Variants in PCDHGA6 observed in about 807,000 individuals in gnomAD.
PCDHGA6 encodes protocadherin gamma subfamily A, 6.
Under a neutral mutation model 60.6 loss-of-function variants are expected in PCDHGA6, and 41 were observed. The ratio of observed to expected loss-of-function variants is 0.68; its 90% confidence interval spans 0.53 to 0.88. The LOEUF (loss-of-function observed/expected upper bound fraction) is 0.88, where lower values mean the gene tolerates loss of function less well. Ranked by LOEUF, PCDHGA6 falls within the 40% of genes least tolerant of loss-of-function variation. The pLI, the probability that PCDHGA6 is intolerant of heterozygous loss-of-function variation, is 0.00. For missense variants in PCDHGA6, 1,312 were observed against 1,203.0 expected (o/e 1.09, Z -1.34); for synonymous variants, 594 against 524.4 (o/e 1.13, Z -1.81).
At chr5:141,413,767 C>A in intron 1 of PCDHGA6, 1 of 1,612,972 alleles carries the variant, frequency 6.2e-7, no homozygotes, top group South Asian at 1.1e-5. Flanking sequence ...GTACCCGGAG[C>A]TGGTACTGGA....
intron 1 of PCDHGA6, chr5:141,478,592 TC>T: frequency 6.4e-7 from 1 of 1,570,334 alleles, no homozygotes; most frequent in Non-Finnish European, 8.6e-7. Flanking sequence ...GCTTTTTTAT[TC>T]CTACATCATA....
At chr5:141,438,591 CATATATATATATATATATATAT>C (rs946798767) in intron 1 of PCDHGA6, among the ~76,000 whole-genome samples, 1 of 75,562 alleles carries the variant, frequency 1.3e-5, no homozygotes, top group Middle Eastern at 7.4e-3. Context: ...TACATACATA[CATATATATATATATATATATAT>C]ATATATATAT....
chr5:141,449,389 T>C (rs577860793), intron 1 of PCDHGA6, among the ~76,000 whole-genome samples: 5 of 151,964 alleles, frequency 3.3e-5, no homozygotes, highest in African/African-American at 1.2e-4. Flanking sequence ...GGTGGATTAC[T>C]TGAGGCCAGG....
At chr5:141,470,078 G>C (rs542998375) in intron 1 of PCDHGA6, among the ~76,000 whole-genome samples, 21 of 152,182 alleles carry the variant, frequency 1.4e-4, no homozygotes, top group Non-Finnish European at 2.9e-4. Context: ...GTAGTGATCT[G>C]AGATCATGCC....
At position 141,485,227 on chromosome 5, in the gene PCDHGA6, G is replaced by C. The variant is rs2099609828; in HGVS notation, c.2425-9580G>C. 1 of 1,614,186 alleles carries C rather than the reference G, an allele frequency of 6.2e-7. No individual in the cohort carries two copies. Among genetic ancestry groups the C allele is most frequent in the Non-Finnish European group, 8.5e-7 (1 of 1,180,020 alleles). On this transcript the variant is annotated intron_variant, in intron 1 of 3. Transcript: ENST00000517434. The surrounding 1 kb of genome is among the most constrained non-coding windows in gnomAD (Gnocchi z 5.7). The stretch of plus-strand genomic sequence containing the variant: ...AAATCTGGCGGTGGGCTACCCTTTT[G>C]TTCCTCTTTTACCACCTGGGTTACG...
chr5:141,475,553 T>A (rs1159585016), intron 1 of PCDHGA6, among the ~76,000 whole-genome samples: 2 of 152,260 alleles, frequency 1.3e-5, no homozygotes, highest in Non-Finnish European at 2.9e-5. Flanking sequence ...GTCCGGCTAA[T>A]TGTCTGTCTT....
At chr5:141,421,583 G>A (rs765321947) in intron 1 of PCDHGA6, 1 of 1,613,796 alleles carries the variant, frequency 6.2e-7, no homozygotes, top group African/African-American at 1.3e-5. Context: ...AAGATTTACG[G>A]AGTGGAGGTG....
intron 1 of PCDHGA6, chr5:141,408,721 C>T (rs994778084): frequency 6.2e-7 from 1 of 1,611,372 alleles, no homozygotes; most frequent in Non-Finnish European, 8.5e-7. Flanking sequence ...ATAAGATAAA[C>T]TCTAATCCTT....
At chr5:141,398,643 C>T (rs746159571) in intron 1 of PCDHGA6, 1 of 1,614,024 alleles carries the variant, frequency 6.2e-7, no homozygotes, top group Admixed American at 1.7e-5. Context: ...AGTATAAACT[C>T]TCTCTTAACC....
intron 1 of PCDHGA6, chr5:141,418,580 G>A: frequency 1.2e-5 from 20 of 1,614,018 alleles, no homozygotes; most frequent in Non-Finnish European, 1.7e-5. Flanking sequence ...CAACCCCCCA[G>A]TGTTCAGCCA....
intron 1 of PCDHGA6, among the ~76,000 whole-genome samples, chr5:141,482,791 G>T (rs1039924143): frequency 2.6e-5 from 4 of 152,168 alleles, no homozygotes; most frequent in African/African-American, 9.7e-5. Flanking sequence ...TGTGTGTGTG[G>T]CCGGGTACGG....
intron 1 of PCDHGA6, among the ~76,000 whole-genome samples, chr5:141,449,240 G>A (rs535847654): frequency 6.6e-6 from 1 of 152,186 alleles, no homozygotes; most frequent in Non-Finnish European, 1.5e-5. Context: ...ATTTTCAAAG[G>A]AGTTGCAAGA....
intron 1 of PCDHGA6, chr5:141,382,977 C>T: frequency 6.2e-7 from 1 of 1,610,566 alleles, no homozygotes. Context: ...CCTGGGAAGC[C>T]TGGGCAGGAC....
chr5:141,419,890 C>T (rs775698934), intron 1 of PCDHGA6: 3 of 1,614,102 alleles, frequency 1.9e-6, no homozygotes, highest in Non-Finnish European at 2.5e-6. Flanking sequence ...ATTTCAGCGA[C>T]CATCCCACAC....
chr5:141,475,980 C>G (rs758066578), intron 1 of PCDHGA6: 3 of 1,028,500 alleles, frequency 2.9e-6, no homozygotes, highest in Admixed American at 2.4e-5. Context: ...ACTGAACAGC[C>G]GGCGAGCAAA....
At position 141,487,610 on chromosome 5, in the gene PCDHGA6, C is replaced by A; in HGVS notation, c.2425-7197C>A. On this transcript the variant is annotated intron_variant, in intron 1 of 3. Transcript: ENST00000517434. The surrounding 1 kb of genome is among the most constrained non-coding windows in gnomAD (Gnocchi z 5.0). ...CCCACCCTCTGATCTTCTCTATGGG[C>A]TAGAGGTGAGACCTTTGCAGGCTCA... The A allele has an allele frequency of 6.2e-7, 1 of 1,614,190 alleles. No homozygotes were observed. The highest frequency in any genetic ancestry group is 1.1e-5 in the South Asian group (1 of 91,078).
At chr5:141,405,029 C>T in intron 1 of PCDHGA6, 1 of 1,613,976 alleles carries the variant, frequency 6.2e-7, no homozygotes, top group Non-Finnish European at 8.5e-7. Flanking sequence ...TACCCTCTAC[C>T]TCGTTGTGGC....
chr5:141,421,467 G>T (rs1436543181), intron 1 of PCDHGA6: 1 of 1,614,132 alleles, frequency 6.2e-7, no homozygotes, highest in South Asian at 1.1e-5. Flanking sequence ...CTGTGAATCC[G>T]CGAAGCGGCA....
At chr5:141,501,329 ACACACC>A (rs1456568693) in intron 2 of PCDHGA6, among the ~76,000 whole-genome samples, 16 of 148,226 alleles carry the variant, frequency 1.1e-4, no homozygotes, top group Non-Finnish European at 2.2e-4. Context: ...ACACACACAC[ACACACC>A]CCAAACTCAA....
Sources: gnomAD v4.1 joint callset for allele counts (sites outside exome capture counted in the v4.1 genomes callset) on GRCh38, gnomAD v4.1.1 for gene constraint, Gnocchi (gnomAD v3.1) non-coding constraint, MANE v1.5 for transcripts, NCBI Gene and HGNC (gene_info 2026-07-23, HGNC 2026-07-21) for gene names.